Variants in ARID1B observed in about 807,000 individuals in gnomAD.
ARID1B encodes the protein AT-rich interaction domain 1B, also known as AT-rich interactive domain-containing protein 1B.
Under a neutral mutation model 212.3 loss-of-function variants are expected in ARID1B, and 30 were observed. That is an observed-to-expected ratio of 0.14 (90% confidence interval 0.11 to 0.19). The LOEUF is 0.19. ARID1B is among the 10% of genes least tolerant of loss of function. The pLI, the probability that ARID1B is intolerant of heterozygous loss-of-function variation, is 1.00. For missense variants in ARID1B, 2,891 were observed against 3,204.0 expected (o/e 0.90, Z 2.36); for synonymous variants, 1,402 against 1,301.7 (o/e 1.08, Z -1.66).
chr6:157,014,643 A>G (rs967409215), intron 4 of ARID1B, among the ~76,000 whole-genome samples: 1 of 152,208 alleles, frequency 6.6e-6, no homozygotes, highest in Non-Finnish European at 1.5e-5. Flanking sequence ...TGACAGAGTT[A>G]CCATGTGCAA....
chr6:156,904,082 C>A (rs555311936), intron 3 of ARID1B, among the ~76,000 whole-genome samples: 4 of 152,234 alleles, frequency 2.6e-5, no homozygotes, highest in African/African-American at 9.6e-5. Context: ...TTCCCTCTGC[C>A]CATGTCACCA....
intron 3 of ARID1B, among the ~76,000 whole-genome samples, chr6:156,902,609 C>T (rs1473002243): frequency 1.3e-5 from 2 of 151,744 alleles, no homozygotes; most frequent in African/African-American, 2.4e-5. Context: ...AGCTAGGATT[C>T]GAGACCCAGT....
intron 4 of ARID1B, among the ~76,000 whole-genome samples, chr6:156,948,929 A>G (rs1793372587): frequency 6.6e-6 from 1 of 152,280 alleles, no homozygotes; most frequent in South Asian, 2.1e-4. Context: ...ATAATTTCAC[A>G]GAAGTGTTTT....
intron 8 of ARID1B, among the ~76,000 whole-genome samples, chr6:157,163,845 C>T (rs1015777541): frequency 5.3e-5 from 8 of 152,234 alleles, no homozygotes; most frequent in Admixed American, 5.2e-4. Flanking sequence ...CTTGGTCTCA[C>T]TGAGTGTTAG....
intron 3 of ARID1B, among the ~76,000 whole-genome samples, chr6:156,912,159 G>C (rs1482029754): frequency 6.6e-6 from 1 of 151,964 alleles, no homozygotes; most frequent in African/African-American, 2.4e-5. Context: ...TACCCATTCC[G>C]GTGGCAGACT....
At chr6:156,976,399 C>G (rs1018101107) in intron 4 of ARID1B, 15 of 170,270 alleles carry the variant, frequency 8.8e-5, no homozygotes, top group Non-Finnish European at 1.7e-4. Flanking sequence ...GATGATGCAG[C>G]ACGGATTATG....
chr6:156,826,611 G>A (rs1782756873), intron 1 of ARID1B, among the ~76,000 whole-genome samples: 1 of 152,104 alleles, frequency 6.6e-6, no homozygotes, highest in Admixed American at 6.5e-5. Context: ...GCCAGTGGAA[G>A]AGAGGACTGG....
intron 1 of ARID1B, among the ~76,000 whole-genome samples, chr6:156,780,016 G>A (rs1183919297): frequency 2.0e-5 from 3 of 152,208 alleles, no homozygotes; most frequent in African/African-American, 7.2e-5. Context: ...TGACAAGCGA[G>A]TGGGTTTTTC....
intron 1 of ARID1B, among the ~76,000 whole-genome samples, chr6:156,787,990 G>GT (rs1209342024): frequency 6.6e-6 from 1 of 152,124 alleles, no homozygotes; most frequent in Non-Finnish European, 1.5e-5. Flanking sequence ...TGTGGCATCT[G>GT]TATGTGGCCC....
intron 4 of ARID1B, among the ~76,000 whole-genome samples, chr6:157,021,783 G>A (rs1444111220): frequency 6.6e-6 from 1 of 152,012 alleles, no homozygotes; most frequent in African/African-American, 2.4e-5. Context: ...CGCACAGCGT[G>A]TTTTCTAAAG....
rs1214790793 is a variant in ARID1B, at chr6:157,209,399, G to C, written c.*1508G>C. ...CTACATTTGGAAGAGACCTTTAGGG[G>C]TTACCTACTTTAGAGTGGGGAGCAA... On this transcript the variant is annotated 3_prime_UTR_variant, in exon 20 of 20. Transcript: ENST00000636930. 1 of 232,248 alleles carries C rather than the reference G, an allele frequency of 4.3e-6. No individual in the cohort carries two copies. The highest frequency in any genetic ancestry group is 2.2e-5 in the African/African-American group (1 of 45,270). The allele number at this position is 232,248 out of a possible 1,614,324, so 14.4% of individuals were successfully genotyped here.
At position 157,148,640 on chromosome 6, in the gene ARID1B, C is replaced by T; in HGVS notation, c.2778C>T (p.Pro926=). ...QYGPQGNYSR[P]PAYSGVPSAS... ...TTTGTTTAGGTAACTACTCCAGACC[C>T]CCAGCGTATAGTGGGGTGCCCAGTG... Residue 926 remains proline, a synonymous_variant, in exon 8 of 20, where the codon CCC becomes CCT. Coordinates refer to ENST00000636930, the MANE Select transcript of ARID1B (RefSeq NM_001374828.1). The surrounding 1 kb of genome is among the most constrained non-coding windows in gnomAD (Gnocchi z 5.6). The T allele has an allele frequency of 6.3e-7, 1 of 1,589,536 alleles. No individual in the cohort carries two copies. The highest frequency in any genetic ancestry group is 1.1e-5 in the South Asian group (1 of 90,608).
intron 4 of ARID1B, among the ~76,000 whole-genome samples, chr6:156,959,762 C>T (rs1436520675): frequency 2.6e-5 from 4 of 151,952 alleles, no homozygotes; most frequent in African/African-American, 7.3e-5. Flanking sequence ...CCATCTCTCC[C>T]GGGTAAGTAA....
chr6:157,172,415 G>C (rs1791776345), intron 9 of ARID1B, among the ~76,000 whole-genome samples: 1 of 152,190 alleles, frequency 6.6e-6, no homozygotes, highest in South Asian at 2.1e-4. Flanking sequence ...AGTATTGAAA[G>C]TAATTTGAAA....
intron 7 of ARID1B, among the ~76,000 whole-genome samples, chr6:157,136,177 A>C (rs1473467347): frequency 6.6e-6 from 1 of 152,236 alleles, no homozygotes; most frequent in Non-Finnish European, 1.5e-5. Context: ...ACTGAGGCAC[A>C]GAACAGGTGA....
intron 4 of ARID1B, among the ~76,000 whole-genome samples, chr6:157,001,758 C>A: frequency 6.6e-6 from 1 of 152,316 alleles, no homozygotes; most frequent in East Asian, 1.9e-4. Flanking sequence ...TGCCCTTGGC[C>A]GATTGACTCA....
At chr6:157,134,173 C>T (rs550832367) in intron 7 of ARID1B, among the ~76,000 whole-genome samples, 1 of 152,274 alleles carries the variant, frequency 6.6e-6, no homozygotes, top group East Asian at 1.9e-4. Flanking sequence ...TGGTGTAGCG[C>T]CTTAGTATTT....
At chr6:156,952,881 A>C (rs953474029) in intron 4 of ARID1B, among the ~76,000 whole-genome samples, 7 of 152,222 alleles carry the variant, frequency 4.6e-5, no homozygotes, top group Non-Finnish European at 1.0e-4. Flanking sequence ...TCTTCGAGTA[A>C]GCGAAAATCC....
At chr6:157,021,988 C>A (rs1172417992) in intron 4 of ARID1B, among the ~76,000 whole-genome samples, 6 of 152,208 alleles carry the variant, frequency 3.9e-5, no homozygotes, top group Admixed American at 1.3e-4. Flanking sequence ...ATCTCTTTCC[C>A]CCTCTCAAAA....
Sources: allele counts gnomAD v4.1 joint callset (sites outside exome capture counted in the v4.1 genomes callset), GRCh38; gene constraint gnomAD v4.1.1; non-coding constraint Gnocchi (gnomAD v3.1); transcripts MANE v1.5; gene names NCBI Gene and HGNC (gene_info 2026-07-23, HGNC 2026-07-21).